The following NBPF26 variants were observed in gnomAD, a reference collection of about 807,000 sequenced individuals.
NBPF26 encodes the protein NBPF member 26, also known as NBPF family member NBPF26.
A neutral mutation model predicts 119.6 loss-of-function variants in NBPF26; 79 were observed. That is an observed-to-expected ratio of 0.66 (90% CI 0.55 to 0.80). The LOEUF is 0.80. NBPF26 is among the 30% of genes least tolerant of loss of function. The probability of loss-of-function intolerance (pLI) is 0.00; values close to 1 mark genes in which losing one functional copy is unlikely to be tolerated. For synonymous variants in NBPF26, 299 were observed against 457.7 expected (o/e 0.65, Z 4.43); for missense variants, 800 against 1,198.2 (o/e 0.67, Z 4.91).
chr1:120,813,336 A>G (rs1360174190), intron 10 of NBPF26, among the ~76,000 whole-genome samples: 1 of 127,952 alleles, frequency 7.8e-6, no homozygotes, highest in Admixed American at 7.4e-5. Flanking sequence ...ACATTTGGGC[A>G]TATTTCCTTC....
rs1651459646 is a variant in NBPF26, at chr1:120,789,494, C to T, written c.416-3667C>T. 3.5e-5 allele frequency among the ~76,000 whole-genome samples: 4 copies of T among 113,860 alleles called. 1 individual carries two copies. Among genetic ancestry groups the T allele is most frequent in the African/African-American group, 2.1e-4 (4 of 18,796 alleles). The allele number at this position is 113,860 out of a possible 152,430, so 74.7% of individuals were successfully genotyped here. The stretch of plus-strand genomic sequence containing the variant: ...GTGGCAAGAGAAAATTAGGAAGAAG[C>T]AAAAGCAGAACCCCTGAGGAACCCA... On this transcript the variant is annotated intron_variant, in intron 3 of 29. Coordinates refer to ENST00000620612, the Ensembl canonical transcript of NBPF26.
chr1:120,764,150 G>A (rs1467024238), intron 2 of NBPF26, among the ~76,000 whole-genome samples: 2 of 113,058 alleles, frequency 1.8e-5, no homozygotes, highest in Non-Finnish European at 3.4e-5. Context: ...GGGAGGCTGA[G>A]GCAGGAGAGT....
downstream of NBPF26, chr1:120,840,939 T>C: frequency 6.4e-6 from 2 of 310,974 alleles, no homozygotes; most frequent in Non-Finnish European, 1.2e-5. Context: ...AAGGTCATTG[T>C]CATCTTTGTG....
chr1:120,806,711 G>C (rs1287465809), intron 5 of NBPF26, among the ~76,000 whole-genome samples: 1 of 121,696 alleles, frequency 8.2e-6, no homozygotes, highest in Non-Finnish European at 1.7e-5. Context: ...GAGGAAGAAA[G>C]ATCACACCCG....
intron 17 of NBPF26, among the ~76,000 whole-genome samples, chr1:120,823,773 T>TGTGTGTGTGC (rs1376356166): frequency 8.8e-6 from 1 of 113,122 alleles, no homozygotes; most frequent in Non-Finnish European, 1.7e-5. Flanking sequence ...TGTGTGTGTG[T>TGTGTGTGTGC]GTGTGTGTGT....
chr1:120,801,738 A>G (rs1214372046), intron 4 of NBPF26, among the ~76,000 whole-genome samples: 2 of 98,612 alleles, frequency 2.0e-5, no homozygotes, highest in Non-Finnish European at 3.7e-5. Context: ...CTGAGGCAGG[A>G]GGATCGCTTG....
intron 4 of NBPF26, among the ~76,000 whole-genome samples, chr1:120,802,570 A>G (rs1553269089): frequency 1.6e-5 from 2 of 122,280 alleles, no homozygotes; most frequent in Non-Finnish European, 3.2e-5. Flanking sequence ...TTCAAATTCA[A>G]GCATGCTTTG....
exon 10 of NBPF26, chr1:120,812,063 C>T: frequency 2.3e-6 from 3 of 1,282,632 alleles, no homozygotes; most frequent in Non-Finnish European, 3.2e-6. Context: ...ACTCAACTGG[C>T]CGGCTTCCTG....
intron 1 of NBPF26, 131 bp downstream of exon 1, chr1:120,724,381 T>G (rs1650791550): frequency 7.4e-7 from 1 of 1,347,232 alleles, no homozygotes; most frequent in Admixed American, 2.3e-5. Flanking sequence ...GGCCACTCGC[T>G]GGGTTCCCAA....
intron 22 of NBPF26, among the ~76,000 whole-genome samples, chr1:120,832,395 G>GTTCATACCTGTGGCGCCCTGATCCTA (rs1652359428): frequency 9.7e-6 from 1 of 102,976 alleles, no homozygotes; most frequent in African/African-American, 7.2e-5. Context: ...CCCTGATCCT[G>GTTCATACCTGTGGCGCCCTGATCCTA]TTCTCATGAC....
At chr1:120,727,802 T>G (rs1650831756) in intron 1 of NBPF26, among the ~76,000 whole-genome samples, 1 of 118,186 alleles carries the variant, frequency 8.5e-6, no homozygotes, top group South Asian at 2.4e-4. Flanking sequence ...TTCCTGTTTT[T>G]GTTTCCCCCC....
chr1:120,832,715 C>T (rs1652371429), intron 22 of NBPF26, among the ~76,000 whole-genome samples, 160 bp from the exon 27 acceptor site: 4 of 119,682 alleles, frequency 3.3e-5, no homozygotes, highest in Non-Finnish European at 1.6e-5. Flanking sequence ...CGAGGAATTT[C>T]TATCATGACC....
chr1:120,759,628 G>A (rs1291673957), intron 1 of NBPF26, among the ~76,000 whole-genome samples: 2 of 104,430 alleles, frequency 1.9e-5, no homozygotes, highest in East Asian at 4.5e-4. Context: ...ATTTCTCTTT[G>A]TGTGGAAGAT....
At chr1:120,733,154 A>G (rs1456621180) in intron 1 of NBPF26, among the ~76,000 whole-genome samples, 1 of 106,760 alleles carries the variant, frequency 9.4e-6, no homozygotes, top group Non-Finnish European at 1.7e-5. Flanking sequence ...GAACAGATCT[A>G]CATATATATA....
Position 120,759,022 on chromosome 1 carries a change from C to A in NBPF26, c.74-4606C>A, listed in dbSNP as rs2101397901. ...AATTATTTTATTAATTTTTTAGCCA[C>A]CTTTCTCTTATAGAAATAAGGTTCC... On this transcript the variant is annotated intron_variant, in intron 1 of 29. Coordinates refer to ENST00000620612, the Ensembl canonical transcript of NBPF26. Among the ~76,000 whole-genome samples, 2 of 110,488 alleles carry A rather than the reference C, an allele frequency of 1.8e-5. 1 individual carries two copies. The highest frequency in any genetic ancestry group is 1.8e-4 in the Admixed American group (2 of 11,344). 72.5% of individuals were successfully genotyped at this position (110,488 alleles called of 152,430 possible).
chr1:120,840,425 G>T, exon 30 of NBPF26: 1 of 1,469,678 alleles, frequency 6.8e-7, no homozygotes, highest in Non-Finnish European at 9.2e-7. Flanking sequence ...ATTCGACTCC[G>T]TCAATGTACT....
At chr1:120,811,226 A>C (rs1651856971) in intron 9 of NBPF26, among the ~76,000 whole-genome samples, 1 of 102,370 alleles carries the variant, frequency 9.8e-6, no homozygotes. Context: ...CCAGCCTGGG[A>C]GACAGAGCGA....
intron 29 of NBPF26, 50 bp from the exon 36 acceptor site, chr1:120,840,300 T>C: frequency 6.9e-7 from 1 of 1,444,896 alleles, no homozygotes; most frequent in Non-Finnish European, 9.2e-7. Context: ...TGGGGCTCTG[T>C]GGTGTCCGAT....
At chr1:120,812,989 G>C (rs1412242475) in intron 10 of NBPF26, among the ~76,000 whole-genome samples, 1 of 119,006 alleles carries the variant, frequency 8.4e-6, no homozygotes, top group Non-Finnish European at 1.6e-5. Flanking sequence ...GCAGAGAGTA[G>C]CTTGGTGAGA....
Sources: allele counts gnomAD v4.1 joint callset (sites outside exome capture counted in the v4.1 genomes callset), GRCh38; gene constraint gnomAD v4.1.1; transcripts MANE v1.5; gene names NCBI Gene and HGNC (gene_info 2026-07-23, HGNC 2026-07-21).